Variants in TEX2 observed in about 807,000 individuals in gnomAD.
TEX2 encodes the protein testis-expressed protein 2.
Under a neutral mutation model 106.9 loss-of-function variants are expected in TEX2, and 53 were observed. The observed-to-expected ratio is 0.50, with a 90% CI of 0.40 to 0.62. TEX2 has a LOEUF of 0.62. TEX2 is among the 20% of genes least tolerant of loss of function. The pLI, the probability that TEX2 is intolerant of heterozygous loss-of-function variation, is 0.00. For synonymous variants in TEX2, 523 were observed against 534.8 expected, an observed-to-expected ratio of 0.98 and a Z score of 0.30; for missense variants, 1,207 against 1,379.0, an observed-to-expected ratio of 0.88 and a Z score of 1.98.
rs782213447 is a variant in TEX2, at chr17:64,213,894, G to T, written c.324C>A (p.Pro108=). Residue 108 remains proline (P), a synonymous_variant, in exon 2 of 12, where the codon CCC becomes CCA. Transcript: ENST00000584379. The surrounding 1 kb of genome is among the most constrained non-coding windows in gnomAD (Gnocchi z 4.4). The part of the protein sequence containing the change: ...LSVSQAPAIL[P]VSKNTVKLLE... The stretch of plus-strand genomic sequence containing the variant: ...ACAGCTTTACAGTGTTCTTGGAGAC[G>T]GGCAAAATGGCAGGGGCCTGGGACA... 1.2e-6 allele frequency: 2 copies of T among 1,614,196 alleles called. No individual in the cohort carries two copies. Among genetic ancestry groups the T allele is most frequent in the East Asian group, 2.2e-5 (1 of 44,884 alleles).
At chr17:64,207,427 A>G (rs1555630886) in intron 2 of TEX2, among the ~76,000 whole-genome samples, 1 of 152,156 alleles carries the variant, frequency 6.6e-6, no homozygotes, top group Non-Finnish European at 1.5e-5. Context: ...AGTCTTCCAT[A>G]TTGGTGAGCT....
intron 10 of TEX2, among the ~76,000 whole-genome samples, chr17:64,152,069 CT>C (rs1382429796): frequency 1.3e-5 from 2 of 152,132 alleles, no homozygotes; most frequent in African/African-American, 4.8e-5. Context: ...CTGATCATTC[CT>C]ACAAATCCTT....
intron 8 of TEX2, among the ~76,000 whole-genome samples, chr17:64,160,162 A>G (rs188115112): frequency 1.3e-5 from 2 of 152,360 alleles, no homozygotes; most frequent in Non-Finnish European, 2.9e-5. Context: ...AATAGGATGT[A>G]AAAGTTCCAG....
At chr17:64,260,833 G>A (rs562667782) in intron 1 of TEX2, among the ~76,000 whole-genome samples, 1 of 152,280 alleles carries the variant, frequency 6.6e-6, no homozygotes, top group South Asian at 2.1e-4. Flanking sequence ...TTCAGGCAAA[G>A]AAAATGAACT....
At chr17:64,191,269 C>T (rs1901023432) in intron 4 of TEX2, among the ~76,000 whole-genome samples, 2 of 152,130 alleles carry the variant, frequency 1.3e-5, no homozygotes. Flanking sequence ...GAACTTTTGG[C>T]AGGATTTCCA....
At chr17:64,241,234 G>T (rs2033882648) in intron 1 of TEX2, among the ~76,000 whole-genome samples, 1 of 152,236 alleles carries the variant, frequency 6.6e-6, no homozygotes, top group Admixed American at 6.5e-5. Flanking sequence ...TGGCAGCTAG[G>T]TTCAGTGCTG....
chr17:64,200,238 C>T (rs2032616354), intron 2 of TEX2, among the ~76,000 whole-genome samples: 1 of 152,144 alleles, frequency 6.6e-6, no homozygotes, highest in Non-Finnish European at 1.5e-5. Context: ...ACAAGACATA[C>T]AGGCATGTGT....
intron 1 of TEX2, among the ~76,000 whole-genome samples, chr17:64,242,625 A>G (rs2033908820): frequency 6.6e-6 from 1 of 152,290 alleles, no homozygotes; most frequent in African/African-American, 2.4e-5. Flanking sequence ...CTGCCTCTGA[A>G]CCAGAATCAT....
At chr17:64,182,171 C>T (rs1326133672) in intron 5 of TEX2, among the ~76,000 whole-genome samples, 4 of 152,102 alleles carry the variant, frequency 2.6e-5, no homozygotes, top group Admixed American at 6.5e-5. Context: ...TTCTGACTTA[C>T]GCTACCACAT....
intron 2 of TEX2, among the ~76,000 whole-genome samples, chr17:64,210,107 C>T (rs544305085): frequency 2.0e-5 from 3 of 152,250 alleles, no homozygotes; most frequent in South Asian, 2.1e-4. Flanking sequence ...TTAATATAAG[C>T]GCAATTTTTC....
intron 10 of TEX2, among the ~76,000 whole-genome samples, chr17:64,151,927 C>T (rs951737711): frequency 7.2e-5 from 11 of 152,022 alleles, no homozygotes; most frequent in African/African-American, 2.4e-4. Flanking sequence ...CTATTTTTCA[C>T]CTTTTCCCAA....
chr17:64,225,692 TTTTTC>T (rs201880292), intron 1 of TEX2, among the ~76,000 whole-genome samples: 5 of 150,274 alleles, frequency 3.3e-5, no homozygotes, highest in Admixed American at 6.6e-5. Context: ...AAACAACACA[TTTTTC>T]TTTTCTTTTC....
At position 64,213,937 on chromosome 17, in the gene TEX2, AG is replaced by A; in HGVS notation, c.280del (p.Leu94TrpfsTer21). The part of the protein sequence containing the change: ...DPAGPAASPV[L>X]ADGLSVSQAP... ...CTGGGACACGGACAGTCCATCTGCC[AG>A]GACAGGCGAGGCAGCAGGGCCGGCG... is the stretch of plus-strand genomic sequence containing the variant. On this transcript the variant is annotated frameshift_variant, in exon 2 of 12. Transcript: ENST00000584379. LOFTEE classifies it high-confidence loss of function. This position sits in a 1 kb window ranked among gnomAD's most constrained non-coding sequence, Gnocchi z 4.4. 6.2e-7 allele frequency: 1 copy of A among 1,614,230 alleles called. No homozygotes were observed. The highest frequency in any genetic ancestry group is 8.5e-7 in the Non-Finnish European group (1 of 1,180,038).
At chr17:64,167,435 G>A (rs2031187479) in intron 7 of TEX2, among the ~76,000 whole-genome samples, 1 of 152,114 alleles carries the variant, frequency 6.6e-6, no homozygotes, top group Admixed American at 6.5e-5. Flanking sequence ...CATGCATAGA[G>A]CTCCTCCTTG....
At chr17:64,157,313 C>T (rs2030677914) in intron 8 of TEX2, among the ~76,000 whole-genome samples, 1 of 152,180 alleles carries the variant, frequency 6.6e-6, no homozygotes, top group Admixed American at 6.5e-5. Flanking sequence ...CCTTAAAAGG[C>T]TTATTCCAGT....
chr17:64,177,107 C>A (rs2143779079), intron 6 of TEX2, among the ~76,000 whole-genome samples: 1 of 152,264 alleles, frequency 6.6e-6, no homozygotes, highest in South Asian at 2.1e-4. Context: ...GAGGGCAACA[C>A]AAGAAAATGA....
intron 5 of TEX2, among the ~76,000 whole-genome samples, chr17:64,181,151 G>A (rs2031838229): frequency 6.6e-6 from 1 of 152,112 alleles, no homozygotes; most frequent in South Asian, 2.1e-4. Context: ...TCTTTTCAGT[G>A]TATATATACA....
intron 10 of TEX2, among the ~76,000 whole-genome samples, chr17:64,152,347 G>A (rs2030398514): frequency 6.6e-6 from 1 of 152,170 alleles, no homozygotes; most frequent in African/African-American, 2.4e-5. Context: ...GATGGGCCAG[G>A]CATAGCTATA....
At chr17:64,212,402 G>A (rs1272241029) in intron 2 of TEX2, among the ~76,000 whole-genome samples, 172 bp downstream of exon 2, 2 of 152,210 alleles carry the variant, frequency 1.3e-5, no homozygotes, top group Non-Finnish European at 1.5e-5. Context: ...GGGTTAGAAT[G>A]AGGTTTACCA....
Sources: gnomAD v4.1 joint callset for allele counts (sites outside exome capture counted in the v4.1 genomes callset) on GRCh38, gnomAD v4.1.1 for gene constraint, Gnocchi (gnomAD v3.1) non-coding constraint, MANE v1.5 for transcripts, NCBI Gene and HGNC (gene_info 2026-07-23, HGNC 2026-07-21) for gene names.